DLGAP2: variants seen among roughly 807,000 people sequenced by gnomAD.
The protein encoded by DLGAP2 is DLG associated protein 2.
DLGAP2 carries 26 observed loss-of-function variants against 100.3 expected under a neutral mutation model. The ratio of observed to expected loss-of-function variants is 0.26; its 90% CI spans 0.19 to 0.36. The LOEUF (loss-of-function observed/expected upper bound fraction) is 0.36. Among genes scored for constraint, DLGAP2 ranks in the 10% least tolerant of loss-of-function variants. The pLI, the probability that DLGAP2 is intolerant of heterozygous loss-of-function variation, is 1.00. For missense variants in DLGAP2, 1,858 were observed against 1,453.2 expected, an observed-to-expected ratio of 1.28 and a Z score of -4.53; for synonymous variants, 886 against 630.1, an observed-to-expected ratio of 1.41 and a Z score of -6.08.
chr8:1,065,179 C>G (rs567617702), intron 2 of DLGAP2, among the ~76,000 whole-genome samples: 1 of 152,196 alleles, frequency 6.6e-6, no homozygotes, highest in Admixed American at 6.5e-5. Flanking sequence ...GCACACAACC[C>G]AGTGTTCGCT....
At chr8:795,591 A>T (rs1268728415) in intron 1 of DLGAP2, among the ~76,000 whole-genome samples, 1 of 143,720 alleles carries the variant, frequency 7.0e-6, no homozygotes, top group Non-Finnish European at 1.5e-5. Context: ...TGCATCGGAG[A>T]CTCACAGGTC....
At chr8:1,070,186 A>G (rs1331715664) in intron 2 of DLGAP2, among the ~76,000 whole-genome samples, 2 of 151,940 alleles carry the variant, frequency 1.3e-5, no homozygotes, top group African/African-American at 4.8e-5. Context: ...TGATTTGTAG[A>G]CTCGGCGAGT....
At chr8:1,145,710 C>T (rs1379063481) in intron 2 of DLGAP2, among the ~76,000 whole-genome samples, 3 of 150,002 alleles carry the variant, frequency 2.0e-5, no homozygotes, top group African/African-American at 7.4e-5. Flanking sequence ...TGTGCTGCAC[C>T]CATTAACTCG....
At chr8:1,351,821 C>T (rs1255673241) in intron 3 of DLGAP2, among the ~76,000 whole-genome samples, 1 of 53,452 alleles carries the variant, frequency 1.9e-5, no homozygotes, top group Non-Finnish European at 3.7e-5. Context: ...CTGCGTGTGG[C>T]GTGGAAAGGC....
intron 3 of DLGAP2, among the ~76,000 whole-genome samples, chr8:1,311,047 G>GA (rs60087507): frequency 7.7e-5 from 11 of 143,262 alleles, no homozygotes; most frequent in South Asian, 2.2e-4. Flanking sequence ...CACTGACAAA[G>GA]AAAAAAAAAA....
intron 14 of DLGAP2, among the ~76,000 whole-genome samples, chr8:1,698,771 GT>G (rs1180557554): frequency 1.3e-5 from 2 of 151,794 alleles, no homozygotes; most frequent in Non-Finnish European, 2.9e-5. Flanking sequence ...AGTAAGCCAT[GT>G]TTGGGACAGG....
chr8:1,381,705 A>G (rs1179547889), intron 3 of DLGAP2, among the ~76,000 whole-genome samples: 2 of 151,854 alleles, frequency 1.3e-5, no homozygotes, highest in African/African-American at 4.8e-5. Context: ...TATTTCACTC[A>G]GCATCATGTC....
chr8:1,496,805 G>A (rs781371410), intron 3 of DLGAP2, among the ~76,000 whole-genome samples: 1 of 152,146 alleles, frequency 6.6e-6, no homozygotes, highest in East Asian at 1.9e-4. Context: ...CACGCCATCC[G>A]CACGTTCGCT....
chr8:1,197,049 C>A (rs989612947), intron 2 of DLGAP2, among the ~76,000 whole-genome samples: 1 of 152,102 alleles, frequency 6.6e-6, no homozygotes, highest in Non-Finnish European at 1.5e-5. Flanking sequence ...GAGATGGAGG[C>A]CTCGCCCAAG....
intron 1 of DLGAP2, among the ~76,000 whole-genome samples, chr8:897,681 C>T (rs564456326): frequency 6.6e-6 from 1 of 152,194 alleles, no homozygotes. Flanking sequence ...CAGCCGCTCT[C>T]CTCCCGCCCC....
chr8:1,054,195 C>T (rs189658347), intron 2 of DLGAP2, among the ~76,000 whole-genome samples: 54 of 152,206 alleles, frequency 3.5e-4, no homozygotes, highest in Admixed American at 2.6e-3. Flanking sequence ...TGTACACGCA[C>T]GCACACACAG....
chr8:823,700 A>T (rs1433170956), intron 1 of DLGAP2, among the ~76,000 whole-genome samples: 2 of 152,036 alleles, frequency 1.3e-5, no homozygotes, highest in Non-Finnish European at 2.9e-5. Context: ...TGTTGATCGA[A>T]ATGTTTTTGT....
At chr8:1,234,909 T>C (rs1798610469) in intron 2 of DLGAP2, among the ~76,000 whole-genome samples, 1 of 152,214 alleles carries the variant, frequency 6.6e-6, no homozygotes, top group Non-Finnish European at 1.5e-5. Context: ...CGTGGCGCCA[T>C]ATCTAGTTCT....
chr8:1,429,251 G>T (rs534773320), intron 3 of DLGAP2, among the ~76,000 whole-genome samples: 2 of 152,266 alleles, frequency 1.3e-5, no homozygotes, highest in East Asian at 3.9e-4. Context: ...TTCAGCTGGT[G>T]GTTTCTGATT....
At chr8:1,424,036 G>T (rs1430128432) in intron 3 of DLGAP2, among the ~76,000 whole-genome samples, 1 of 152,246 alleles carries the variant, frequency 6.6e-6, no homozygotes, top group Non-Finnish European at 1.5e-5. Flanking sequence ...CAGGCAGCCA[G>T]TTGGATGGAG....
chr8:1,581,310 AAC>A (rs1803244538), intron 6 of DLGAP2, among the ~76,000 whole-genome samples: 1 of 151,788 alleles, frequency 6.6e-6, no homozygotes, highest in Non-Finnish European at 1.5e-5. Flanking sequence ...ACATCGACAC[AAC>A]ACAGTCAAAC....
intron 8 of DLGAP2, among the ~76,000 whole-genome samples, chr8:1,654,661 C>CAAAAAA (rs763257486): frequency 1.1e-5 from 1 of 92,660 alleles, no homozygotes; most frequent in South Asian, 3.5e-4. Flanking sequence ...AACTCCGTCT[C>CAAAAAA]AAAAAAAAAA....
intron 8 of DLGAP2, among the ~76,000 whole-genome samples, chr8:1,663,793 G>C (rs181883395): frequency 1.3e-5 from 2 of 152,250 alleles, no homozygotes; most frequent in Non-Finnish European, 2.9e-5. Flanking sequence ...CAAAACAAGC[G>C]TTCCAGCATC....
At chr8:778,409 G>A (rs1326960930) in intron 1 of DLGAP2, among the ~76,000 whole-genome samples, 1 of 152,244 alleles carries the variant, frequency 6.6e-6, no homozygotes, top group Non-Finnish European at 1.5e-5. Flanking sequence ...TCCGTTGGAG[G>A]AGGAGAGGCG....
Sources: gnomAD v4.1 joint callset for allele counts (sites outside exome capture counted in the v4.1 genomes callset) on GRCh38, gnomAD v4.1.1 for gene constraint, MANE v1.5 for transcripts, NCBI Gene and HGNC (gene_info 2026-07-23, HGNC 2026-07-21) for gene names.